The following TMEM232 variants were observed in gnomAD, a reference collection of about 807,000 sequenced individuals.
The protein encoded by TMEM232 is transmembrane protein 232.
TMEM232 carries 80 observed loss-of-function variants against 78.8 expected under a neutral mutation model. That is an observed-to-expected ratio of 1.01 (90% CI 0.85 to 1.22). The LOEUF (loss-of-function observed/expected upper bound fraction) is 1.22. Among genes scored for constraint, TMEM232 ranks in the 50% most tolerant of loss-of-function variants. The pLI is 0.00. For synonymous variants in TMEM232, 297 were observed against 254.3 expected (o/e 1.17, Z -1.60); for missense variants, 881 against 742.2 (o/e 1.19, Z -2.17).
intron 12 of TMEM232, among the ~76,000 whole-genome samples, chr5:110,505,085 T>C (rs1561583812): frequency 6.6e-6 from 1 of 152,220 alleles, no homozygotes; most frequent in Non-Finnish European, 1.5e-5. Context: ...ATGGGAGTTT[T>C]CCATAACCAA....
At chr5:110,432,880 A>T (rs1295997921) in intron 12 of TMEM232, among the ~76,000 whole-genome samples, 2 of 151,766 alleles carry the variant, frequency 1.3e-5, no homozygotes, top group Non-Finnish European at 2.9e-5. Context: ...AACAGTCAAA[A>T]ATGACAAAAA....
chr5:110,480,221 T>C (rs1763711941), intron 12 of TMEM232, among the ~76,000 whole-genome samples: 1 of 151,754 alleles, frequency 6.6e-6, no homozygotes, highest in Admixed American at 6.6e-5. Context: ...AGCTTCTATA[T>C]TCTCCATGCA....
chr5:110,728,848 T>C (rs938823277), upstream of TMEM232, among the ~76,000 whole-genome samples: 1 of 52,258 alleles, frequency 1.9e-5, no homozygotes, highest in Non-Finnish European at 3.8e-5. Flanking sequence ...CCAGTTTTTT[T>C]CTGCTTTTTT....
intron 2 of TMEM232, among the ~76,000 whole-genome samples, chr5:110,657,603 G>C (rs1362331560): frequency 6.6e-6 from 1 of 152,116 alleles, no homozygotes; most frequent in Non-Finnish European, 1.5e-5. Flanking sequence ...GGAGGGTTGA[G>C]GTTGGAGGGA....
chr5:110,617,098 A>T (rs547165454), intron 8 of TMEM232, among the ~76,000 whole-genome samples: 5 of 152,362 alleles, frequency 3.3e-5, no homozygotes, highest in African/African-American at 1.2e-4. Context: ...GTCTTTAAGA[A>T]GAAGGAAGTT....
At chr5:110,618,407 G>A in intron 8 of TMEM232, 22 bp downstream of exon 8, 2 of 1,547,546 alleles carry the variant, frequency 1.3e-6, no homozygotes, top group African/African-American at 1.4e-5. Context: ...GAGTTACTTT[G>A]GATTTATAGG....
intron 7 of TMEM232, 51 bp downstream of exon 7, chr5:110,625,216 A>G (rs1784261075): frequency 2.1e-6 from 3 of 1,403,030 alleles, no homozygotes; most frequent in Admixed American, 2.9e-5. Flanking sequence ...CATAGTAATG[A>G]TATCTGATGC....
At chr5:110,668,451 C>A (rs1056141524) in intron 1 of TMEM232, among the ~76,000 whole-genome samples, 1 of 152,090 alleles carries the variant, frequency 6.6e-6, no homozygotes, top group African/African-American at 2.4e-5. Context: ...ATTTGCCAAA[C>A]CAAACTAGAA....
At chr5:110,680,094 G>T (rs1028628947) in intron 1 of TMEM232, among the ~76,000 whole-genome samples, 1 of 151,950 alleles carries the variant, frequency 6.6e-6, no homozygotes, top group African/African-American at 2.4e-5. Flanking sequence ...AAGCTCCCCA[G>T]GTGAGTTTAA....
At chr5:110,412,565 C>G (rs1252312792) in intron 2 of TMEM232, among the ~76,000 whole-genome samples, 1 of 127,440 alleles carries the variant, frequency 7.8e-6, no homozygotes, top group African/African-American at 3.1e-5. Context: ...AATAGCCAAA[C>G]TCTTTTTTTT....
At chr5:110,691,145 GAAAA>G (rs113172226) in intron 1 of TMEM232, among the ~76,000 whole-genome samples, 2 of 139,174 alleles carry the variant, frequency 1.4e-5, no homozygotes, top group African/African-American at 5.3e-5. Flanking sequence ...AAAGTATAAG[GAAAA>G]AAAAAAAAAA....
At chr5:110,711,929 A>G (rs1796525183) in intron 1 of TMEM232, among the ~76,000 whole-genome samples, 1 of 151,820 alleles carries the variant, frequency 6.6e-6, no homozygotes, top group African/African-American at 2.4e-5. Context: ...ACACAGTAAA[A>G]ACCTGTCTCT....
At chr5:110,703,637 T>C (rs1043595323) in intron 1 of TMEM232, among the ~76,000 whole-genome samples, 2 of 152,072 alleles carry the variant, frequency 1.3e-5, no homozygotes, top group Admixed American at 6.6e-5. Flanking sequence ...CATTTTCTTG[T>C]AGAACAGCCA....
chr5:110,505,594 C>G (rs547259184), intron 12 of TMEM232, among the ~76,000 whole-genome samples: 1 of 152,154 alleles, frequency 6.6e-6, no homozygotes, highest in African/African-American at 2.4e-5. Flanking sequence ...GCAACCTCCA[C>G]CACCTGGGTT....
chr5:110,484,044 T>C (rs970471133), intron 12 of TMEM232, among the ~76,000 whole-genome samples: 10 of 152,096 alleles, frequency 6.6e-5, no homozygotes, highest in African/African-American at 2.4e-4. Flanking sequence ...TCATTCTAAG[T>C]GAATTAACAT....
intron 11 of TMEM232, among the ~76,000 whole-genome samples, chr5:110,530,493 G>A (rs1771287250): frequency 6.6e-6 from 1 of 152,122 alleles, no homozygotes; most frequent in Non-Finnish European, 1.5e-5. Flanking sequence ...ATCAACAGAT[G>A]AATGGATAAA....
intron 1 of TMEM232, among the ~76,000 whole-genome samples, chr5:110,686,133 C>T (rs1202056695): frequency 6.6e-6 from 1 of 151,942 alleles, no homozygotes; most frequent in Non-Finnish European, 1.5e-5. Flanking sequence ...GTGACCTTGC[C>T]ACTCCCCCAA....
At chr5:110,689,585 TC>T (rs1293591897) in intron 1 of TMEM232, among the ~76,000 whole-genome samples, 1 of 152,094 alleles carries the variant, frequency 6.6e-6, no homozygotes, top group African/African-American at 2.4e-5. Flanking sequence ...TTCAATGCTA[TC>T]CCCATCAAGC....
intron 10 of TMEM232, among the ~76,000 whole-genome samples, chr5:110,602,471 G>A (rs1242529362): frequency 6.6e-6 from 1 of 151,810 alleles, no homozygotes; most frequent in Non-Finnish European, 1.5e-5. Flanking sequence ...CCATCAACAA[G>A]TGGGCAAAGG....
Sources: gnomAD v4.1 joint callset for allele counts (sites outside exome capture counted in the v4.1 genomes callset) on GRCh38, gnomAD v4.1.1 for gene constraint, MANE v1.5 for transcripts, NCBI Gene and HGNC (gene_info 2026-07-23, HGNC 2026-07-21) for gene names.